The following TENM3 variants were observed in gnomAD, a reference collection of about 807,000 sequenced individuals.
The protein encoded by TENM3 is teneurin transmembrane protein 3.
TENM3 carries 63 observed loss-of-function variants against 255.1 expected under a neutral mutation model. That is an observed-to-expected ratio of 0.25 (90% CI 0.20 to 0.30). TENM3 has a LOEUF of 0.30. Ranked by LOEUF, TENM3 falls within the 10% of genes least tolerant of loss-of-function variation. The pLI, the probability that TENM3 is intolerant of heterozygous loss-of-function variation, is 1.00. For synonymous variants in TENM3, 1,306 were observed against 1,322.3 expected (o/e 0.99, Z 0.27); for missense variants, 2,929 against 3,461.1 (o/e 0.85, Z 3.86).
At chr4:182,120,906 A>G in the TENM3 span, among the ~76,000 whole-genome samples, 1 of 152,190 alleles carries the variant, frequency 6.6e-6, no homozygotes, top group South Asian at 2.1e-4. Context: ...GTAAGATATT[A>G]TAGGACCATG....
chr4:182,664,526 G>A (rs532830027), intron 6 of TENM3, among the ~76,000 whole-genome samples: 16 of 152,258 alleles, frequency 1.1e-4, no homozygotes, highest in South Asian at 2.1e-4. Context: ...AGAATCACAC[G>A]TCTCTCAGTT....
At chr4:182,472,160 C>A (rs1241419770) in intron 3 of TENM3, among the ~76,000 whole-genome samples, 3 of 152,092 alleles carry the variant, frequency 2.0e-5, no homozygotes, top group African/African-American at 7.2e-5. Flanking sequence ...ACTGTAACTT[C>A]CATTTTCTCA....
At chr4:181,730,860 A>C in the TENM3 span, among the ~76,000 whole-genome samples, 1 of 152,148 alleles carries the variant, frequency 6.6e-6, no homozygotes, top group African/African-American at 2.4e-5. Flanking sequence ...AATGCGACTC[A>C]TGCTGTTTAT....
chr4:182,311,349 T>C (rs553827276), intron 1 of TENM3, among the ~76,000 whole-genome samples: 1 of 152,252 alleles, frequency 6.6e-6, no homozygotes, highest in Non-Finnish European at 1.5e-5. Context: ...TTCATTGACT[T>C]TGTTAATACT....
intron 6 of TENM3, among the ~76,000 whole-genome samples, chr4:182,671,077 G>A (rs772070162): frequency 3.3e-5 from 5 of 152,006 alleles, no homozygotes; most frequent in South Asian, 2.1e-4. Context: ...CAGATGCCAC[G>A]TCCCTTCCCA....
At chr4:182,649,321 T>G (rs1477952103) in intron 5 of TENM3, among the ~76,000 whole-genome samples, 1 of 150,604 alleles carries the variant, frequency 6.6e-6, no homozygotes, top group African/African-American at 2.4e-5. Context: ...AAAAAGAAGA[T>G]AATGGACTTC....
At chr4:181,563,854 C>T in the TENM3 span, among the ~76,000 whole-genome samples, 21 of 152,184 alleles carry the variant, frequency 1.4e-4, no homozygotes, top group African/African-American at 5.1e-4. Flanking sequence ...ACAATCTAAC[C>T]ATACAGTAGA....
the TENM3 span, among the ~76,000 whole-genome samples, chr4:181,987,212 C>G: frequency 3.2e-4 from 48 of 152,172 alleles, no homozygotes; most frequent in Admixed American, 9.2e-4. Context: ...AGTGGCAAAG[C>G]CAGAATTTGA....
At chr4:182,731,306 C>T (rs995144961) in intron 16 of TENM3, among the ~76,000 whole-genome samples, 167 bp downstream of exon 16, 2 of 152,022 alleles carry the variant, frequency 1.3e-5, no homozygotes, top group Admixed American at 6.6e-5. Context: ...GAGTTCAAGA[C>T]CAGCCTGGCC....
At chr4:182,132,088 G>A in the TENM3 span, among the ~76,000 whole-genome samples, 1 of 152,180 alleles carries the variant, frequency 6.6e-6, no homozygotes, top group Non-Finnish European at 1.5e-5. Context: ...CCCTTCTGGA[G>A]CTGAAATCTT....
At chr4:182,714,048 T>A in intron 12 of TENM3, 39 bp from the exon 13 acceptor site, 1 of 1,597,824 alleles carries the variant, frequency 6.3e-7, no homozygotes, top group Non-Finnish European at 8.6e-7. Context: ...AAAAACTCAA[T>A]ACTCAAATCA....
At chr4:181,677,723 A>T in the TENM3 span, among the ~76,000 whole-genome samples, 2 of 152,126 alleles carry the variant, frequency 1.3e-5, no homozygotes, top group Non-Finnish European at 2.9e-5. Flanking sequence ...CTTTAAATAA[A>T]GAAGGGCTTT....
the TENM3 span, among the ~76,000 whole-genome samples, chr4:181,853,518 ACT>A: frequency 6.6e-6 from 1 of 152,082 alleles, no homozygotes; most frequent in Non-Finnish European, 1.5e-5. Context: ...TAATTATATC[ACT>A]CTCGTTGACT....
the TENM3 span, among the ~76,000 whole-genome samples, chr4:181,784,689 C>T: frequency 2.6e-5 from 4 of 152,094 alleles, no homozygotes; most frequent in Non-Finnish European, 5.9e-5. Flanking sequence ...TTCAGATAAA[C>T]GCTTTCTGCC....
chr4:181,888,515 TGTATATATATAC>T, the TENM3 span, among the ~76,000 whole-genome samples: 201 of 14,310 alleles, frequency 0.014, 6 homozygotes, highest in South Asian at 0.032. Flanking sequence ...TATATATATA[TGTATATATATAC>T]ATATATGTGT....
chr4:181,853,125 G>A, the TENM3 span, among the ~76,000 whole-genome samples: 1 of 151,984 alleles, frequency 6.6e-6, no homozygotes, highest in Non-Finnish European at 1.5e-5. Context: ...TTACTTTTTA[G>A]TGTTTAGAAA....
At chr4:181,625,491 C>T in the TENM3 span, among the ~76,000 whole-genome samples, 2 of 152,166 alleles carry the variant, frequency 1.3e-5, no homozygotes, top group African/African-American at 4.8e-5. Context: ...CTGCACTTCG[C>T]AGTCTCTGAT....
At chr4:181,936,024 G>A in the TENM3 span, among the ~76,000 whole-genome samples, 46 of 152,204 alleles carry the variant, frequency 3.0e-4, no homozygotes, top group Non-Finnish European at 5.4e-4. Flanking sequence ...TAGGTACTCC[G>A]TTCATATTTG....
intron 3 of TENM3, among the ~76,000 whole-genome samples, chr4:182,456,188 A>G (rs369822634): frequency 1.5e-4 from 23 of 152,240 alleles, no homozygotes; most frequent in African/African-American, 5.1e-4. Context: ...AATGGCTTAC[A>G]TAGGAGCTGA....
Sources: allele counts gnomAD v4.1 joint callset (sites outside exome capture counted in the v4.1 genomes callset), GRCh38; gene constraint gnomAD v4.1.1; transcripts MANE v1.5; gene names NCBI Gene and HGNC (gene_info 2026-07-23, HGNC 2026-07-21).